The following SMARCA2 variants were observed in gnomAD, a reference collection of about 807,000 sequenced individuals.
SMARCA2 encodes the protein SWI/SNF-related matrix-associated actin-dependent regulator of chromatin subfamily A member 2.
SMARCA2 carries 61 observed loss-of-function variants against 199.8 expected under a neutral mutation model. The ratio of observed to expected loss-of-function variants is 0.31; its 90% CI spans 0.25 to 0.38. The LOEUF (loss-of-function observed/expected upper bound fraction) is 0.38. Ranked by LOEUF, SMARCA2 falls within the 10% of genes least tolerant of loss-of-function variation. SMARCA2 has a pLI of 1.00. For missense variants in SMARCA2, 1,344 were observed against 2,012.2 expected, an observed-to-expected ratio of 0.67 and a Z score of 6.35; for synonymous variants, 935 against 732.0, an observed-to-expected ratio of 1.28 and a Z score of -4.48.
At chr9:2,019,836 A>C (rs575100574) in intron 1 of SMARCA2, among the ~76,000 whole-genome samples, 260 of 150,366 alleles carry the variant, frequency 1.7e-3, no homozygotes, top group African/African-American at 6.2e-3. Context: ...TTTCTCCTTT[A>C]GAAATCTTCC....
intron 19 of SMARCA2, among the ~76,000 whole-genome samples, chr9:2,089,571 T>A (rs897719800): frequency 2.6e-5 from 4 of 152,212 alleles, no homozygotes; most frequent in Non-Finnish European, 4.4e-5. Context: ...TATTCCCTAA[T>A]CCTTTATGCA....
intron 21 of SMARCA2, among the ~76,000 whole-genome samples, chr9:2,100,522 C>T (rs1006674078): frequency 4.6e-5 from 7 of 152,060 alleles, no homozygotes; most frequent in South Asian, 4.2e-4. Flanking sequence ...GCCAATGTGG[C>T]GAAACCCTGT....
Position 2,084,370 on chromosome 9 carries a change from C to CTGTGTGTGTG in SMARCA2, c.2526+212_2526+221dup, listed in dbSNP as rs3057851. Among the ~76,000 whole-genome samples, 152 of 132,422 alleles carry CTGTGTGTGTG rather than the reference C, an allele frequency of 1.1e-3. 1 individual carries two copies. The highest frequency in any genetic ancestry group is 4.0e-3 in the African/African-American group (139 of 34,422). 86.9% of individuals were successfully genotyped at this position (132,422 alleles called of 152,430 possible). A position where few individuals can be genotyped will look rare whatever the true frequency, so the allele number is the denominator to read the frequency against. ...GGTCGTGGATTTGATTTCATGCATG[C>CTGTGTGTGTG]TGTGTGTGTGTGTGTGTGTGTGTGT... On this transcript the variant is annotated intron_variant, in intron 17 of 33. Coordinates refer to ENST00000349721, the MANE Select transcript of SMARCA2 (RefSeq NM_003070.5).
intron 27 of SMARCA2, among the ~76,000 whole-genome samples, chr9:2,130,124 G>GA (rs1823875201): frequency 6.6e-6 from 1 of 152,198 alleles, no homozygotes; most frequent in South Asian, 2.1e-4. Context: ...AAAGTGTTGA[G>GA]ATTACAGGCA....
intron 32 of SMARCA2, among the ~76,000 whole-genome samples, chr9:2,189,151 G>C (rs572409991): frequency 6.6e-6 from 1 of 152,188 alleles, no homozygotes; most frequent in African/African-American, 2.4e-5. Context: ...AACATATTCA[G>C]AGGTTCTTGG....
intron 25 of SMARCA2, among the ~76,000 whole-genome samples, chr9:2,118,540 C>T (rs542138460): frequency 6.6e-6 from 1 of 152,278 alleles, no homozygotes; most frequent in South Asian, 2.1e-4. Context: ...TTTCCTCTTT[C>T]TTCCCTCGAC....
intron 15 of SMARCA2, among the ~76,000 whole-genome samples, chr9:2,082,979 T>G (rs993680787): frequency 4.6e-5 from 7 of 152,216 alleles, no homozygotes; most frequent in Admixed American, 2.6e-4. Flanking sequence ...GGTTTTATAA[T>G]TTCTTTTTCC....
intron 4 of SMARCA2, chr9:2,042,688 A>G (rs1819661648): frequency 1.3e-5 from 2 of 149,374 alleles, no homozygotes; most frequent in African/African-American, 4.9e-5. Context: ...TGGCTCCGGT[A>G]CCTACATCTT....
intron 29 of SMARCA2, among the ~76,000 whole-genome samples, chr9:2,177,483 C>G (rs1826690513): frequency 1.3e-5 from 2 of 152,024 alleles, no homozygotes; most frequent in Admixed American, 1.3e-4. Flanking sequence ...AAGACCCTCA[C>G]TAATTATCAA....
intron 27 of SMARCA2, among the ~76,000 whole-genome samples, chr9:2,130,338 C>T (rs754658872): frequency 1.3e-5 from 2 of 152,324 alleles, no homozygotes; most frequent in African/African-American, 2.4e-5. Flanking sequence ...CTGAGAATCC[C>T]GGTCCTCGGC....
At chr9:2,084,003 G>A in intron 16 of SMARCA2, 83 bp from the exon 17 acceptor site, 3 of 710,488 alleles carry the variant, frequency 4.2e-6, no homozygotes, top group Non-Finnish European at 7.5e-6. Context: ...CACATGTCTG[G>A]GCATCATTAA....
intron 29 of SMARCA2, among the ~76,000 whole-genome samples, chr9:2,179,818 C>T (rs139492967): frequency 1.9e-4 from 29 of 152,160 alleles, no homozygotes; most frequent in Admixed American, 8.5e-4. Flanking sequence ...GTGTTAAATC[C>T]GCGATTACAA....
chr9:2,177,194 C>G (rs968721203), intron 29 of SMARCA2, among the ~76,000 whole-genome samples: 46 of 152,320 alleles, frequency 3.0e-4, no homozygotes, highest in African/African-American at 1.0e-3. Context: ...ACCTACTGCC[C>G]TGCAGTGTTG....
intron 2 of SMARCA2, among the ~76,000 whole-genome samples, chr9:2,030,995 C>T (rs562528899): frequency 1.3e-5 from 2 of 152,270 alleles, no homozygotes; most frequent in South Asian, 4.1e-4. Context: ...TACCTTCACC[C>T]CAAGTAACAG....
At chr9:2,144,929 C>G (rs1824655780) in intron 27 of SMARCA2, among the ~76,000 whole-genome samples, 1 of 151,780 alleles carries the variant, frequency 6.6e-6, no homozygotes, top group Non-Finnish European at 1.5e-5. Context: ...TGCATATTCA[C>G]AATCTGTGAA....
intron 5 of SMARCA2, chr9:2,047,777 G>C (rs999642041): frequency 2.0e-5 from 4 of 202,884 alleles, no homozygotes; most frequent in African/African-American, 9.2e-5. Context: ...GATGACGGAG[G>C]GGCTGGGACG....
chr9:2,173,469 AT>A (rs1296403894), intron 29 of SMARCA2, among the ~76,000 whole-genome samples: 1 of 152,220 alleles, frequency 6.6e-6, no homozygotes, highest in Non-Finnish European at 1.5e-5. Context: ...TTATAGAGAA[AT>A]TACCATGAAA....
At chr9:2,045,708 A>C (rs1819807578) in intron 4 of SMARCA2, 1 of 152,240 alleles carries the variant, frequency 6.6e-6, no homozygotes, top group African/African-American at 2.4e-5. Context: ...AGATTTTCTC[A>C]TCAACCCCGA....
chr9:2,106,458 C>A (rs535297480), intron 23 of SMARCA2, among the ~76,000 whole-genome samples: 1 of 152,160 alleles, frequency 6.6e-6, no homozygotes, highest in African/African-American at 2.4e-5. Context: ...AATTGCCTAA[C>A]ATGTTACAGA....
Sources: gnomAD v4.1 joint callset for allele counts (sites outside exome capture counted in the v4.1 genomes callset) on GRCh38, gnomAD v4.1.1 for gene constraint, MANE v1.5 for transcripts, NCBI Gene and HGNC (gene_info 2026-07-23, HGNC 2026-07-21) for gene names.